Variants in AMPH observed in about 807,000 individuals in gnomAD.
AMPH encodes the protein amphiphysin.
In AMPH, 49 loss-of-function variants were observed where a neutral mutation model predicts 99.1. The ratio of observed to expected loss-of-function variants is 0.49; its 90% CI spans 0.39 to 0.63. The LOEUF is 0.63. Among genes scored for constraint, AMPH ranks in the 20% least tolerant of loss-of-function variants. The probability of loss-of-function intolerance (pLI) is 0.00; values close to 1 mark genes in which losing one functional copy is unlikely to be tolerated. For synonymous variants in AMPH, 314 were observed against 317.3 expected, an observed-to-expected ratio of 0.99 and a Z score of 0.11; for missense variants, 759 against 863.4, an observed-to-expected ratio of 0.88 and a Z score of 1.52.
At chr7:38,403,874 G>A (rs1404232352) in intron 17 of AMPH, among the ~76,000 whole-genome samples, 1 of 152,212 alleles carries the variant, frequency 6.6e-6, no homozygotes. Context: ...AGCCTTTTCA[G>A]TGCATTTCCA....
At position 38,428,836 on chromosome 7, in the gene AMPH, C is replaced by A. The variant is rs548876092; in HGVS notation, c.1182+1006G>T. ...CCTTCCATGTCCTTTTCTAATAGGTCAGTTTTCTCAAAATAATTTTCATTG... is the reference window on the plus strand; with the variant it reads ...CCTTCCATGTCCTTTTCTAATAGGTAAGTTTTCTCAAAATAATTTTCATTG... On this transcript the variant is annotated intron_variant, in intron 14 of 20. Transcript: ENST00000356264. The A allele has an allele frequency of 2.7e-4, 137 of 500,134 alleles. 1 individual carries two copies. The highest frequency in any genetic ancestry group is 2.1e-3 in the African/African-American group (108 of 50,990). The allele number at this position is 500,134 out of a possible 1,614,324, so 31.0% of individuals were successfully genotyped here.
Position 38,499,130 on chromosome 7 carries a change from T to C in AMPH, c.205+4520A>G, listed in dbSNP as rs77315918. Among the ~76,000 whole-genome samples the C allele has an allele frequency of 7.2e-3, 1,093 of 152,356 alleles. 19 individuals are homozygous for C. The highest frequency in any genetic ancestry group is 0.025 in the African/African-American group (1,042 of 41,580). On this transcript the variant is annotated intron_variant, in intron 3 of 20. Transcript: ENST00000356264. The stretch of plus-strand genomic sequence containing the variant: ...GGTGTGAATCTGTCCTCTGTTATGA[T>C]GGCACTCAATGCACGTATCTATTAA...
intron 18 of AMPH, among the ~76,000 whole-genome samples, chr7:38,393,413 G>T (rs1784571462): frequency 6.6e-6 from 1 of 152,162 alleles, no homozygotes; most frequent in Non-Finnish European, 1.5e-5. Flanking sequence ...CCCTCGCAGT[G>T]GTAGAGTATG....
At chr7:38,613,756 G>T (rs991452002) in intron 1 of AMPH, among the ~76,000 whole-genome samples, 1 of 151,068 alleles carries the variant, frequency 6.6e-6, no homozygotes, top group East Asian at 1.9e-4. Context: ...AATTTCAAAC[G>T]GTTCAAAGTA....
chr7:38,574,669 A>C (rs946610164), intron 1 of AMPH, among the ~76,000 whole-genome samples: 28 of 152,220 alleles, frequency 1.8e-4, no homozygotes, highest in African/African-American at 6.0e-4. Context: ...CATTATGTTC[A>C]TGTGGTAGGA....
chr7:38,553,308 GA>G (rs1407717455), intron 1 of AMPH, among the ~76,000 whole-genome samples: 1 of 152,190 alleles, frequency 6.6e-6, no homozygotes, highest in African/African-American at 2.4e-5. Flanking sequence ...AAAGCCTCTT[GA>G]ACCATCTGTG....
chr7:38,564,171 T>C (rs1791648850), intron 1 of AMPH, among the ~76,000 whole-genome samples: 1 of 152,242 alleles, frequency 6.6e-6, no homozygotes, highest in African/African-American at 2.4e-5. Flanking sequence ...ACAAATTATG[T>C]GAAAGCAAGG....
At chr7:38,446,516 A>G (rs1786789531) in intron 11 of AMPH, among the ~76,000 whole-genome samples, 1 of 152,222 alleles carries the variant, frequency 6.6e-6, no homozygotes, top group Non-Finnish European at 1.5e-5. Flanking sequence ...TCCAAAAACT[A>G]TGCTTTCTGA....
intron 2 of AMPH, among the ~76,000 whole-genome samples, chr7:38,520,630 G>A (rs1353314233): frequency 6.6e-6 from 1 of 152,148 alleles, no homozygotes. Flanking sequence ...AACAAATAAC[G>A]TACTACTGAA....
chr7:38,530,343 G>T (rs1054332302), intron 2 of AMPH, among the ~76,000 whole-genome samples: 1 of 152,170 alleles, frequency 6.6e-6, no homozygotes, highest in African/African-American at 2.4e-5. Context: ...GGGTCCCAGG[G>T]TCTCTTCTCT....
chr7:38,519,327 C>T (rs531284817), intron 2 of AMPH, among the ~76,000 whole-genome samples: 20 of 152,242 alleles, frequency 1.3e-4, no homozygotes, highest in African/African-American at 2.6e-4. Context: ...TAGAATACTG[C>T]GCAATTATTG....
intron 15 of AMPH, among the ~76,000 whole-genome samples, chr7:38,424,351 A>G (rs1785705601): frequency 6.6e-6 from 1 of 152,276 alleles, no homozygotes; most frequent in South Asian, 2.1e-4. Context: ...AAGAGGAAGA[A>G]ACAAAGATTT....
chr7:38,464,106 G>T, intron 9 of AMPH: 2 of 1,289,588 alleles, frequency 1.6e-6, no homozygotes, highest in Non-Finnish European at 2.0e-6. Flanking sequence ...TTCTGCAGAG[G>T]AATGTTGAAA....
At chr7:38,447,840 G>T (rs1018883598) in intron 11 of AMPH, among the ~76,000 whole-genome samples, 4 of 151,810 alleles carry the variant, frequency 2.6e-5, no homozygotes, top group Non-Finnish European at 5.9e-5. Context: ...TACCATGAGG[G>T]CATAGAGATT....
chr7:38,563,081 A>G (rs1791612155), intron 1 of AMPH, among the ~76,000 whole-genome samples: 1 of 152,374 alleles, frequency 6.6e-6, no homozygotes, highest in African/African-American at 2.4e-5. Context: ...GGCATTAGAA[A>G]GAGATTTTTC....
chr7:38,468,052 C>T (rs1252053568), intron 7 of AMPH, among the ~76,000 whole-genome samples: 2 of 152,060 alleles, frequency 1.3e-5, no homozygotes, highest in Non-Finnish European at 2.9e-5. Flanking sequence ...TATTCATTTC[C>T]TTAGGACAGA....
At chr7:38,614,861 T>C (rs1321662689) in intron 1 of AMPH, among the ~76,000 whole-genome samples, 1 of 152,148 alleles carries the variant, frequency 6.6e-6, no homozygotes, top group Non-Finnish European at 1.5e-5. Context: ...GATTATCACA[T>C]CAGTTTGCCC....
intron 1 of AMPH, among the ~76,000 whole-genome samples, chr7:38,629,434 T>C (rs923953524): frequency 7.2e-5 from 11 of 152,144 alleles, no homozygotes; most frequent in African/African-American, 2.7e-4. Context: ...CCCGCTCCCA[T>C]AGAAGACTGA....
intron 2 of AMPH, among the ~76,000 whole-genome samples, chr7:38,526,487 G>A (rs1790195219): frequency 7.6e-6 from 1 of 130,950 alleles, no homozygotes; most frequent in African/African-American, 2.9e-5. Flanking sequence ...TGTTAACCAG[G>A]TTGGTTTCGA....
Sources: gnomAD v4.1 joint callset for allele counts (sites outside exome capture counted in the v4.1 genomes callset) on GRCh38, gnomAD v4.1.1 for gene constraint, MANE v1.5 for transcripts, NCBI Gene and HGNC (gene_info 2026-07-23, HGNC 2026-07-21) for gene names.